Variants in RNMT observed in about 807,000 individuals in gnomAD.
The protein encoded by RNMT is mRNA cap guanine-N(7) methyltransferase.
A neutral mutation model predicts 56.0 loss-of-function variants in RNMT; 27 were observed. The ratio of observed to expected loss-of-function variants is 0.48; its 90% CI spans 0.36 to 0.67. The LOEUF is 0.67. Among genes scored for constraint, RNMT ranks in the 30% least tolerant of loss-of-function variants. The pLI, the probability that RNMT is intolerant of heterozygous loss-of-function variation, is 0.00. For missense variants in RNMT, 519 were observed against 552.1 expected (o/e 0.94, Z 0.60); for synonymous variants, 184 against 176.2 (o/e 1.04, Z -0.35).
chr18:13,744,112 TAAAAC>T (rs1174236220), intron 8 of RNMT, among the ~76,000 whole-genome samples: 4 of 146,242 alleles, frequency 2.7e-5, no homozygotes, highest in Middle Eastern at 3.5e-3. Flanking sequence ...AAAAAGATAA[TAAAAC>T]AAAAGATTTG....
chr18:13,750,203 C>A (rs2149100912), intron 9 of RNMT, among the ~76,000 whole-genome samples: 1 of 152,258 alleles, frequency 6.6e-6, no homozygotes, highest in Non-Finnish European at 1.5e-5. Context: ...GACCCTTTTC[C>A]AGAGTCTTAG....
intron 1 of RNMT, among the ~76,000 whole-genome samples, chr18:13,729,099 A>G (rs1390807803): frequency 6.6e-6 from 1 of 152,122 alleles, no homozygotes; most frequent in African/African-American, 2.4e-5. Context: ...GTAGTTTCAT[A>G]CTTTTGGGTA....
chr18:13,754,245 A>G (rs1458024889), intron 11 of RNMT, 98 bp downstream of exon 11: 1 of 727,814 alleles, frequency 1.4e-6, no homozygotes, highest in Non-Finnish European at 2.3e-6. Context: ...TGTGGCTCAC[A>G]CCAGTACTCT....
chr18:13,741,043 A>C (rs992617556), intron 6 of RNMT, among the ~76,000 whole-genome samples: 1 of 152,190 alleles, frequency 6.6e-6, no homozygotes, highest in African/African-American at 2.4e-5. Flanking sequence ...TTATTGACTC[A>C]CTGAACTGTT....
chr18:13,745,213 C>A (rs533828718), intron 8 of RNMT, among the ~76,000 whole-genome samples: 11 of 152,238 alleles, frequency 7.2e-5, no homozygotes, highest in Non-Finnish European at 1.3e-4. Flanking sequence ...GCACTGGAGC[C>A]CAGTGGAGGG....
chr18:13,760,421 A>G lies in RNMT; in HGVS notation c.*442A>G, dbSNP rs1013114516. 4 of 988,816 alleles carry G rather than the reference A, an allele frequency of 4.0e-6. No homozygotes were observed. In the African/African-American group the frequency reaches 7.0e-5, roughly 17 times the overall value. The allele number at this position is 988,816 out of a possible 1,614,324, so 61.3% of individuals were successfully genotyped here. On this transcript the variant is annotated 3_prime_UTR_variant, in exon 12 of 12. Transcript: ENST00000383314. The stretch of plus-strand genomic sequence containing the variant: ...TGTTATATAGCATTTTTCAACATTT[A>G]ATGGTCTGTACAGTTGAATGTAAGT...
At position 13,761,643 on chromosome 18, in the gene RNMT, A is replaced by C. The variant is rs1006130774; in HGVS notation, c.*1664A>C. The C allele has an allele frequency of 3.1e-5, 31 of 1,005,552 alleles. No individual in the cohort carries two copies. The highest frequency in any genetic ancestry group is 5.3e-5 in the Admixed American group (1 of 18,808). 62.3% of individuals were successfully genotyped at this position (1,005,552 alleles called of 1,614,324 possible). On this transcript the variant is annotated 3_prime_UTR_variant, in exon 12 of 12. Transcript: ENST00000383314. ...CAAAGCAGGGAGAACAGAAAGGTAG[A>C]GTTACTAAGGCCTTCAGTGAACAGA... is the stretch of plus-strand genomic sequence containing the variant.
chr18:13,733,203 C>T (rs971748678), intron 3 of RNMT, among the ~76,000 whole-genome samples: 7 of 152,134 alleles, frequency 4.6e-5, no homozygotes, highest in Non-Finnish European at 8.8e-5. Context: ...CAGTGAGATT[C>T]AGCACTTTGG....
chr18:13,743,334 AAATAAATAAAT>A (rs2044287531), intron 8 of RNMT, among the ~76,000 whole-genome samples: 10 of 21,994 alleles, frequency 4.5e-4, no homozygotes, highest in South Asian at 3.9e-3. Context: ...AAAAAAAAAT[AAATAAATAAAT>A]AAATAAATAA....
intron 9 of RNMT, among the ~76,000 whole-genome samples, chr18:13,751,120 C>G (rs2044436913): frequency 6.6e-6 from 1 of 152,172 alleles, no homozygotes; most frequent in Non-Finnish European, 1.5e-5. Context: ...CAAATGGGAT[C>G]TAATTAAACT....
chr18:13,728,418 C>T (rs1237669627), intron 1 of RNMT, among the ~76,000 whole-genome samples: 1 of 144,482 alleles, frequency 6.9e-6, no homozygotes, highest in Non-Finnish European at 1.5e-5. Flanking sequence ...TCACTGCAAC[C>T]TCCACCTCCC....
At chr18:13,755,059 G>A (rs1263904728) in intron 11 of RNMT, among the ~76,000 whole-genome samples, 1 of 152,290 alleles carries the variant, frequency 6.6e-6, no homozygotes, top group East Asian at 1.9e-4. Context: ...CATGGTTGTT[G>A]GTGATGTTGA....
Position 13,749,316 on chromosome 18 carries a change from C to CA in RNMT, c.1257+2987dup, listed in dbSNP as rs995476911. Among the ~76,000 whole-genome samples the CA allele has an allele frequency of 3.3e-5, 5 of 151,840 alleles. No individual in the cohort carries two copies. The South Asian group carries it at 8.3e-4, about 25-fold the overall frequency. On this transcript the variant is annotated intron_variant, in intron 9 of 11. Transcript: ENST00000383314. ...AACTACAATATGTGGAATTAAAGTT[C>CA]AAAAAAAACTGATTGGTAATCTGTT...
chr18:13,746,409 A>G, intron 9 of RNMT, 72 bp downstream of exon 9: 1 of 843,552 alleles, frequency 1.2e-6, no homozygotes. Flanking sequence ...GATCCTTGCA[A>G]GGCCATCTGA....
chr18:13,744,175 T>TTTTTTTTTTC (rs2044310661), intron 8 of RNMT, among the ~76,000 whole-genome samples: 1 of 140,188 alleles, frequency 7.1e-6, no homozygotes, highest in South Asian at 2.3e-4. Flanking sequence ...TTTTTTTTTT[T>TTTTTTTTTTC]TTTTTTTTTT....
intron 3 of RNMT, among the ~76,000 whole-genome samples, chr18:13,732,762 T>TTTTGG (rs142277511): frequency 1.0e-5 from 1 of 98,680 alleles, no homozygotes; most frequent in African/African-American, 4.1e-5. Context: ...TTTTTTTTTT[T>TTTTGG]GGAGACAGAG....
At chr18:13,728,787 A>G (rs1473724611) in intron 1 of RNMT, among the ~76,000 whole-genome samples, 1 of 152,090 alleles carries the variant, frequency 6.6e-6, no homozygotes, top group East Asian at 1.9e-4. Context: ...GTGTCTTTTA[A>G]GAAATGTCTA....
Position 13,762,375 on chromosome 18 carries a change from T to A in RNMT, c.*2396T>A. 1.8e-6 allele frequency: 1 copy of A among 541,782 alleles called. No homozygotes were observed. The allele number at this position is 541,782 out of a possible 1,614,324, so 33.6% of individuals were successfully genotyped here. A position where few individuals can be genotyped will look rare whatever the true frequency, so the allele number is the denominator to read the frequency against. ...TTAACCACTTCTGTGGGAGCCGTGT[T>A]CTAACCTGTGGAAAGTATTGCAATT... On this transcript the variant is annotated 3_prime_UTR_variant, in exon 12 of 12. Coordinates refer to ENST00000383314, the MANE Select transcript of RNMT (RefSeq NM_003799.3).
chr18:13,727,609 A>C (rs1601981572), intron 1 of RNMT, among the ~76,000 whole-genome samples: 1 of 152,194 alleles, frequency 6.6e-6, no homozygotes, highest in African/African-American at 2.4e-5. Flanking sequence ...GGAACATTCC[A>C]ATTTTTCTTT....
Sources: allele counts gnomAD v4.1 joint callset (sites outside exome capture counted in the v4.1 genomes callset), GRCh38; gene constraint gnomAD v4.1.1; transcripts MANE v1.5; gene names NCBI Gene and HGNC (gene_info 2026-07-23, HGNC 2026-07-21).